The following OTOF variants were observed in gnomAD, a reference collection of about 807,000 sequenced individuals.
OTOF encodes otoferlin.
A neutral mutation model predicts 236.8 loss-of-function variants in OTOF; 218 were observed. The observed-to-expected ratio is 0.92, with a 90% CI of 0.82 to 1.03. The LOEUF is 1.03. Ranked by LOEUF, OTOF falls within the 50% of genes least tolerant of loss-of-function variation. OTOF has a pLI of 0.00. For missense variants in OTOF, 2,590 were observed against 2,694.4 expected (o/e 0.96, Z 0.86); for synonymous variants, 1,041 against 1,072.5 (o/e 0.97, Z 0.57).
chr2:26,557,260 C>A (rs1667615066), intron 1 of OTOF, among the ~76,000 whole-genome samples: 1 of 152,138 alleles, frequency 6.6e-6, no homozygotes, highest in African/African-American at 2.4e-5. Flanking sequence ...CCAAGGCTCA[C>A]TTTGCTCTTT....
chr2:26,457,996 A>G lies in OTOF; in HGVS notation c.*242T>C. On this transcript the variant is annotated 3_prime_UTR_variant, in exon 47 of 47. Coordinates refer to ENST00000272371, the MANE Select transcript of OTOF (RefSeq NM_194248.3). The surrounding 1 kb of genome is among the most constrained non-coding windows in gnomAD (Gnocchi z 4.4). ...GGAAAGAGTCCAAGCCACTGAAAGGAAATGCGGCAGGGCTGGGGAGCGGCT... is the reference window on the plus strand; with the variant it reads ...GGAAAGAGTCCAAGCCACTGAAAGGGAATGCGGCAGGGCTGGGGAGCGGCT... The G allele has an allele frequency of 6.3e-7, 1 of 1,580,278 alleles. No homozygotes were observed.
intron 5 of OTOF, among the ~76,000 whole-genome samples, chr2:26,510,368 T>G (rs1177000990): frequency 2.0e-5 from 3 of 151,856 alleles, no homozygotes; most frequent in African/African-American, 7.3e-5. Flanking sequence ...CCTTTAGCTG[T>G]CCCCTCCCTC....
intron 8 of OTOF, among the ~76,000 whole-genome samples, chr2:26,497,350 T>C (rs762234662): frequency 2.0e-5 from 3 of 152,164 alleles, no homozygotes; most frequent in Non-Finnish European, 4.4e-5. Context: ...CTGCCTTGGC[T>C]TCCCAAAGTG....
At position 26,527,901 on chromosome 2, in the gene OTOF, G is replaced by C; in HGVS notation, c.158C>G (p.Ala53Gly). 1 of 1,613,866 alleles carries C rather than the reference G, an allele frequency of 6.2e-7. No homozygotes were observed. The highest frequency in any genetic ancestry group is 8.5e-7 in the Non-Finnish European group (1 of 1,179,840). Reference protein sequence around the residue: ...DFDETFRWPVASSIDRNEMLE... With the variant: ...DFDETFRWPVGSSIDRNEMLE... ...CATCTCATTTCTGTCGATGCTGCTG[G>C]CCACCGGCCACCGAAATGTCTGGGG... The change falls in exon 3 of 47, where the codon GCC becomes GGC. Residue 53 changes from alanine to glycine, a missense_variant. This residue lies in a region of OTOF where 1,379 missense variants were observed against 1,341.6 expected (regional missense o/e 1.03). Transcript: ENST00000272371.
At chr2:26,474,451 C>A (rs983852349) in intron 26 of OTOF, 62 bp downstream of exon 26, 3 of 1,466,312 alleles carry the variant, frequency 2.0e-6, no homozygotes, top group Middle Eastern at 2.3e-4. Flanking sequence ...AGCCCCCAGC[C>A]CTAGGCCCCA....
Position 26,474,525 on chromosome 2 carries a change from G to A in OTOF, c.3276C>T (p.Phe1092=), listed in dbSNP as rs776668692. ...CCTGCAGTCCCACCTGCAGCAGCTC[G>A]AAGGCCGCCAGCAGGTCTCCAGCTG... is the stretch of plus-strand genomic sequence containing the variant. ...NATAGDLLAA[F]ELLQIGPAGK... is the part of the protein sequence containing the mutation. The change falls in exon 26 of 47, where the codon TTC becomes TTT. Residue 1092 remains phenylalanine (F), a synonymous_variant. Transcript: ENST00000272371. 1.9e-6 allele frequency: 3 copies of A among 1,609,226 alleles called. No individual in the cohort carries two copies. Among genetic ancestry groups the A allele is most frequent in the African/African-American group, 1.3e-5 (1 of 74,810 alleles).
chr2:26,552,179 C>T (rs1020560812), intron 1 of OTOF, among the ~76,000 whole-genome samples: 21 of 151,748 alleles, frequency 1.4e-4, no homozygotes, highest in East Asian at 3.9e-4. Context: ...CACATGAGCC[C>T]GGGAGTTCAA....
chr2:26,482,425 A>G lies in OTOF; in HGVS notation c.1560T>C (p.Ile520=). 1 of 1,613,314 alleles carries G rather than the reference A, an allele frequency of 6.2e-7. No homozygotes were observed. The highest frequency in any genetic ancestry group is 8.5e-7 in the Non-Finnish European group (1 of 1,180,010). Residue 520 remains isoleucine (I), a synonymous_variant, in exon 14 of 47, where the codon ATT becomes ATC. Coordinates refer to ENST00000272371, the MANE Select transcript of OTOF (RefSeq NM_194248.3). The part of the protein sequence containing the change: ...IGTHFIDLRK[I]SNDGDKGFLP... ...GCTGACCTTTGTCTCCGTCATTAGA[A>G]ATCTTGCGCAGGTCAATGAAGTGGG...
At chr2:26,487,046 C>A (rs912487336) in intron 11 of OTOF, among the ~76,000 whole-genome samples, 2 of 152,184 alleles carry the variant, frequency 1.3e-5, no homozygotes, top group Admixed American at 1.3e-4. Flanking sequence ...TCACCCCCAA[C>A]AGAGAGTAGC....
rs1431351487 is a variant in OTOF, at chr2:26,479,247, C to T, written c.2214+17G>A. On this transcript the variant is annotated intron_variant, in intron 18 of 46. Transcript: ENST00000272371. ...CCCCAGGACCCCACCCCTGCTGGCCCCTGGCCTGGCCCTGACCAGCTTGTC... is the reference window on the plus strand; with the variant it reads ...CCCCAGGACCCCACCCCTGCTGGCCTCTGGCCTGGCCCTGACCAGCTTGTC... 3 of 1,612,142 alleles carry T rather than the reference C, an allele frequency of 1.9e-6. No homozygotes were observed. The highest frequency in any genetic ancestry group is 2.7e-5 in the African/African-American group (2 of 75,062).
At chr2:26,544,566 T>C (rs2148129458) in intron 1 of OTOF, among the ~76,000 whole-genome samples, 1 of 152,358 alleles carries the variant, frequency 6.6e-6, no homozygotes, top group Non-Finnish European at 1.5e-5. Flanking sequence ...ATACCACAAC[T>C]TCTTGGTCCA....
At position 26,473,164 on chromosome 2, in the gene OTOF, G is replaced by A. The variant is rs746790245; in HGVS notation, c.3701C>T (p.Pro1234Leu). Residue 1234 changes from proline (P) to leucine (L), a missense_variant, in exon 29 of 47, where the codon CCA becomes CTA. By Grantham distance (98) the Pro-to-Leu change is moderately conservative. Coordinates refer to ENST00000272371, the MANE Select transcript of OTOF (RefSeq NM_194248.3). This position sits in a 1 kb window ranked among gnomAD's most constrained non-coding sequence, Gnocchi z 7.2. The part of the protein sequence containing the change: ...SSLRRFIYRP[P>L]DRSAPSWNTT... ...GTTCCAGCTGGGGGCCGAGCGGTCT[G>A]GGGGCCGGTAGATGAAGCGTCGCAG... 9 of 1,612,756 alleles carry A rather than the reference G, an allele frequency of 5.6e-6. No homozygotes were observed.
intron 14 of OTOF, among the ~76,000 whole-genome samples, chr2:26,482,108 T>C (rs1356906425): frequency 1.3e-5 from 2 of 152,216 alleles, no homozygotes; most frequent in Admixed American, 1.3e-4. Context: ...GTGCATATCA[T>C]ACTATAATTA....
At chr2:26,541,653 T>G (rs1431133887) in intron 1 of OTOF, among the ~76,000 whole-genome samples, 1 of 152,228 alleles carries the variant, frequency 6.6e-6, no homozygotes, top group Non-Finnish European at 1.5e-5. Context: ...ACTAACCCCA[T>G]CTCTTGTTTC....
At position 26,477,664 on chromosome 2, in the gene OTOF, A is replaced by G; in HGVS notation, c.2300T>C (p.Leu767Pro). 1.2e-6 allele frequency: 2 copies of G among 1,612,324 alleles called. No homozygotes were observed. The highest frequency in any genetic ancestry group is 1.7e-6 in the Non-Finnish European group (2 of 1,179,904). Reference protein sequence around the residue: ...ERRLRGVLEELSCGCCRFLSL... With the variant: ...ERRLRGVLEEPSCGCCRFLSL... ...CCCTTCTCACCAGCAGCCACAGCTC[A>G]GCTCCTCCAGGACGCCCCGCAGGCG... The change falls in exon 19 of 47, where the codon CTG (leucine) becomes CCG (proline). Residue 767 changes from leucine (L) to proline (P), a missense_variant. Physicochemically the swap from Leu to Pro is moderately conservative, Grantham distance 98. This residue lies in a region of OTOF where 1,379 missense variants were observed against 1,341.6 expected (regional missense o/e 1.03). Transcript: ENST00000272371. This position sits in a 1 kb window ranked among gnomAD's most constrained non-coding sequence, Gnocchi z 4.7.
intron 5 of OTOF, among the ~76,000 whole-genome samples, chr2:26,511,296 G>C (rs575511876): frequency 1.3e-5 from 2 of 152,138 alleles, no homozygotes; most frequent in African/African-American, 2.4e-5. Flanking sequence ...CACACGGGTG[G>C]TTGGGGGCAG....
chr2:26,549,562 C>A (rs1396799481), intron 1 of OTOF, among the ~76,000 whole-genome samples: 1 of 152,180 alleles, frequency 6.6e-6, no homozygotes, highest in Non-Finnish European at 1.5e-5. Context: ...ATGGAGGCCC[C>A]ATGGAACTCT....
intron 1 of OTOF, among the ~76,000 whole-genome samples, chr2:26,539,473 C>T (rs1376410540): frequency 2.0e-5 from 3 of 152,222 alleles, no homozygotes; most frequent in East Asian, 1.9e-4. Flanking sequence ...CAGTGGCTCA[C>T]GCCTGTAATC....
chr2:26,483,693 C>T (rs961638360), intron 12 of OTOF, 45 bp from the exon 13 acceptor site: 1 of 1,567,758 alleles, frequency 6.4e-7, no homozygotes, highest in African/African-American at 1.4e-5. Context: ...GGTCCAGGTC[C>T]CCAACCCCCA....
Sources: allele counts gnomAD v4.1 joint callset (sites outside exome capture counted in the v4.1 genomes callset), GRCh38; gene constraint gnomAD v4.1.1; regional missense constraint gnomAD v4.1.1; non-coding constraint Gnocchi (gnomAD v3.1); transcripts MANE v1.5; gene names NCBI Gene and HGNC (gene_info 2026-07-23, HGNC 2026-07-21).